The following ARAP2 variants were observed in gnomAD, a reference collection of about 807,000 sequenced individuals.
The protein encoded by ARAP2 is ArfGAP with RhoGAP domain, ankyrin repeat and PH domain 2.
ARAP2 carries 148 observed loss-of-function variants against 194.5 expected under a neutral mutation model. The observed-to-expected ratio is 0.76, with a 90% CI of 0.67 to 0.87. The LOEUF (loss-of-function observed/expected upper bound fraction) is 0.87. ARAP2 is among the 40% of genes least tolerant of loss of function. The pLI is 0.00. For synonymous variants in ARAP2, 695 were observed against 683.5 expected (o/e 1.02, Z -0.26); for missense variants, 2,128 against 1,989.7 (o/e 1.07, Z -1.32).
chr4:36,244,596 TG>T (rs907502099), upstream of ARAP2: 4 of 151,024 alleles, frequency 2.6e-5, no homozygotes, highest in Admixed American at 6.6e-5. Context: ...CCGGCCTCCC[TG>T]GTTCCGCAGC....
At chr4:36,035,824 T>A (rs1719809370) in intron 5 of ARAP2, among the ~76,000 whole-genome samples, 1 of 152,200 alleles carries the variant, frequency 6.6e-6, no homozygotes, top group South Asian at 2.1e-4. Flanking sequence ...AGGAATATGA[T>A]GCAAGGTAGT....
At chr4:36,225,762 C>T (rs1441143774) in intron 2 of ARAP2, among the ~76,000 whole-genome samples, 1 of 152,118 alleles carries the variant, frequency 6.6e-6, no homozygotes, top group Non-Finnish European at 1.5e-5. Context: ...TCAATATCCA[C>T]ATTCCTTTGA....
chr4:36,077,301 C>T (rs543921590), intron 31 of ARAP2, among the ~76,000 whole-genome samples: 1 of 152,134 alleles, frequency 6.6e-6, no homozygotes, highest in South Asian at 2.1e-4. Context: ...AATCTGTGAG[C>T]CCTTCGTAAA....
rs1336178018 is a variant in ARAP2, at chr4:36,083,445, A to G, written c.4431T>C (p.Ser1477=). Residue 1477 remains serine, a synonymous_variant, in exon 29 of 33, where the codon AGT becomes AGC. Transcript: ENST00000303965. ...FLFLYKDVKS[S]KHDKMFSLSS... ...TGAGAGAAAACATCTTGTCATGTTT[A>G]CTACTCTGTAAGGTAAAAAAATAAT... 6.3e-7 allele frequency: 1 copy of G among 1,589,586 alleles called. No individual in the cohort carries two copies. The highest frequency in any genetic ancestry group is 8.6e-7 in the Non-Finnish European group (1 of 1,167,294).
chr4:36,053,795 G>A lies in ARAP2; in HGVS notation n.322-1742C>T, dbSNP rs76029615. On this transcript the variant is annotated intron_variant and non_coding_transcript_variant, in intron 2 of 12. Transcript: ENST00000503225. ...GTAACTTCTAATCAAATCCCAGAGG[G>A]CCGGCAAGTTTATTCGCATTATGGA... Among the ~76,000 whole-genome samples, 29 of 152,302 alleles carry A rather than the reference G, an allele frequency of 1.9e-4. No individual in the cohort carries two copies. The East Asian group carries it at 2.7e-3, about 14-fold the overall frequency.
chr4:36,037,529 G>C (rs181885118), intron 5 of ARAP2, among the ~76,000 whole-genome samples: 2 of 152,216 alleles, frequency 1.3e-5, no homozygotes, highest in East Asian at 3.9e-4. Context: ...AATGAGTTCA[G>C]CATTTCAATA....
intron 8 of ARAP2, among the ~76,000 whole-genome samples, chr4:36,180,683 A>C (rs1406374906): frequency 2.6e-5 from 4 of 152,200 alleles, no homozygotes; most frequent in Non-Finnish European, 5.9e-5. Context: ...TGGCTTTTAG[A>C]TTACTGTTAG....
chr4:36,068,195 A>C lies in ARAP2; in HGVS notation c.4827T>G (p.Ala1609=). ...ESVDSSLKER[A]SMVAHCLEHK... ...GCTCCAGGCAGTGGGCCACCATGGA[A>C]GCTCTCTCCTTTAAGCTAGAGTCCA... Residue 1609 remains alanine, a synonymous_variant, in exon 33 of 33, where the codon GCT becomes GCG. Coordinates refer to ENST00000303965, the MANE Select transcript of ARAP2 (RefSeq NM_015230.4). 1 of 1,613,796 alleles carries C rather than the reference A, an allele frequency of 6.2e-7. No homozygotes were observed. Among genetic ancestry groups the C allele is most frequent in the Non-Finnish European group, 8.5e-7 (1 of 1,179,876 alleles).
chr4:36,241,356 A>G (rs1212349102), intron 1 of ARAP2, among the ~76,000 whole-genome samples: 1 of 152,164 alleles, frequency 6.6e-6, no homozygotes, highest in Non-Finnish European at 1.5e-5. Context: ...TTTCTTATAA[A>G]AAGAGGGCAT....
intron 6 of ARAP2, among the ~76,000 whole-genome samples, chr4:36,204,322 A>C (rs1237861166): frequency 6.6e-6 from 1 of 152,238 alleles, no homozygotes; most frequent in Non-Finnish European, 1.5e-5. Context: ...TATTATTTCC[A>C]GTTAAGATTT....
chr4:36,210,301 G>A, intron 6 of ARAP2, 89 bp downstream of exon 6: 1 of 1,212,258 alleles, frequency 8.2e-7, no homozygotes, highest in Non-Finnish European at 1.1e-6. Flanking sequence ...GCGGTGGAGT[G>A]GGGGAACAGC....
chr4:36,036,404 T>A (rs917308632), intron 5 of ARAP2, among the ~76,000 whole-genome samples: 1 of 152,028 alleles, frequency 6.6e-6, no homozygotes, highest in Non-Finnish European at 1.5e-5. Flanking sequence ...CTTTACTTGA[T>A]GTGTGTTAGT....
chr4:36,045,286 A>T (rs987190807), intron 5 of ARAP2, among the ~76,000 whole-genome samples: 6 of 152,174 alleles, frequency 3.9e-5, no homozygotes, highest in African/African-American at 1.4e-4. Context: ...CTATAGAAAC[A>T]ATTTAAATAT....
At chr4:36,239,720 C>T (rs1753151339) in intron 1 of ARAP2, among the ~76,000 whole-genome samples, 1 of 152,168 alleles carries the variant, frequency 6.6e-6, no homozygotes, top group Non-Finnish European at 1.5e-5. Context: ...CTTAGCGTTA[C>T]TGAACTATAC....
intron 13 of ARAP2, 135 bp from the exon 14 acceptor site, chr4:36,159,640 T>A (rs1578118449): frequency 3.7e-6 from 3 of 803,978 alleles, no homozygotes; most frequent in Non-Finnish European, 3.4e-6. Flanking sequence ...TAATAATAAT[T>A]ATGCCATGAA....
intron 7 of ARAP2, among the ~76,000 whole-genome samples, chr4:36,191,830 T>A (rs2109911424): frequency 6.6e-6 from 1 of 152,192 alleles, no homozygotes; most frequent in South Asian, 2.1e-4. Context: ...TGAGTTAGAT[T>A]TCTTTGCAGG....
At chr4:36,204,056 G>C (rs149231529) in intron 6 of ARAP2, among the ~76,000 whole-genome samples, 19 of 152,156 alleles carry the variant, frequency 1.2e-4, no homozygotes, top group Non-Finnish European at 1.5e-5. Context: ...ACTGGGTTAG[G>C]AAACACAACT....
intron 7 of ARAP2, 126 bp downstream of exon 7, chr4:36,193,452 A>G (rs1394535199): frequency 1.9e-6 from 1 of 519,988 alleles, no homozygotes; most frequent in East Asian, 3.2e-5. Flanking sequence ...TATATTTATT[A>G]GTTGCAACTT....
At chr4:36,216,798 A>C (rs1028123403) in intron 2 of ARAP2, among the ~76,000 whole-genome samples, 9 of 152,226 alleles carry the variant, frequency 5.9e-5, no homozygotes, top group Non-Finnish European at 1.2e-4. Context: ...TGAGCAAAAG[A>C]AGCAAGACAT....
Sources: allele counts gnomAD v4.1 joint callset (sites outside exome capture counted in the v4.1 genomes callset), GRCh38; gene constraint gnomAD v4.1.1; transcripts MANE v1.5; gene names NCBI Gene and HGNC (gene_info 2026-07-23, HGNC 2026-07-21).